Variants in LYRM4 observed in about 807,000 individuals in gnomAD.
LYRM4 encodes LYR motif containing 4.
In LYRM4, 9 loss-of-function variants were observed where a neutral mutation model predicts 11.7. The ratio of observed to expected loss-of-function variants is 0.77; its 90% CI spans 0.46 to 1.34. The LOEUF (loss-of-function observed/expected upper bound fraction) is 1.34. Among genes scored for constraint, LYRM4 ranks in the 40% most tolerant of loss-of-function variants. The pLI is 0.00. For missense variants in LYRM4, 133 were observed against 112.5 expected, an observed-to-expected ratio of 1.18 and a Z score of -0.82; for synonymous variants, 42 against 40.4, an observed-to-expected ratio of 1.04 and a Z score of -0.15.
At chr6:5,184,209 G>A (rs1228690697) in intron 2 of LYRM4, among the ~76,000 whole-genome samples, 2 of 151,988 alleles carry the variant, frequency 1.3e-5, no homozygotes, top group East Asian at 1.9e-4. Flanking sequence ...TAATGATCCC[G>A]AGATGTCCAC....
intron 2 of LYRM4, among the ~76,000 whole-genome samples, chr6:5,190,377 C>CATTTAGAAAA (rs1760682507): frequency 6.6e-6 from 1 of 152,014 alleles, no homozygotes. Context: ...GGAAAAAGCC[C>CATTTAGAAAA]ATTTAGAAAA....
intron 2 of LYRM4, among the ~76,000 whole-genome samples, chr6:5,143,338 T>C (rs1229837632): frequency 3.3e-5 from 5 of 152,192 alleles, no homozygotes; most frequent in African/African-American, 4.8e-5. Flanking sequence ...CTGGGGATGG[T>C]CTTCAGGCCC....
At chr6:5,195,765 T>G (rs906820079) in intron 2 of LYRM4, among the ~76,000 whole-genome samples, 3 of 152,148 alleles carry the variant, frequency 2.0e-5, no homozygotes, top group African/African-American at 4.8e-5. Context: ...CTCCTTCAGG[T>G]GCTCAACAGC....
Position 5,220,172 on chromosome 6 carries a change from A to G in LYRM4, c.87-3434T>C, listed in dbSNP as rs546093347. 4.6e-5 allele frequency among the ~76,000 whole-genome samples: 7 copies of G among 152,260 alleles called. No individual in the cohort carries two copies. In the South Asian group the frequency reaches 1.2e-3, roughly 27 times the overall value. On this transcript the variant is annotated intron_variant, in intron 1 of 2. Transcript: ENST00000330636. ...CTCTTTTCTGAGATTCTTCCACTCAAAACTCCAATTTCCCTGTTGCACAGC... is the reference window on the plus strand; with the variant it reads ...CTCTTTTCTGAGATTCTTCCACTCAGAACTCCAATTTCCCTGTTGCACAGC...
At chr6:5,127,560 A>T (rs1292659701) in intron 2 of LYRM4, among the ~76,000 whole-genome samples, 2 of 152,246 alleles carry the variant, frequency 1.3e-5, no homozygotes, top group Admixed American at 6.5e-5. Flanking sequence ...GCTGGTCCAA[A>T]CAGAGATGTT....
At chr6:5,104,836 C>T (rs1282050339), downstream of LYRM4, 1 of 152,250 alleles carries the variant, frequency 6.6e-6, no homozygotes, top group East Asian at 1.9e-4. Flanking sequence ...GGCCTGGTCT[C>T]CTCATCCAAT....
intron 1 of LYRM4, among the ~76,000 whole-genome samples, chr6:5,220,782 T>C (rs1401932412): frequency 2.0e-5 from 3 of 152,220 alleles, no homozygotes; most frequent in Non-Finnish European, 4.4e-5. Context: ...AGTCTTCATA[T>C]TCAAGTCTTA....
chr6:5,049,885 G>C, the LYRM4 span, among the ~76,000 whole-genome samples: 1 of 152,142 alleles, frequency 6.6e-6, no homozygotes, highest in Non-Finnish European at 1.5e-5. Context: ...GGCCAGGTTG[G>C]TCTTGAACTC....
At position 5,245,105 on chromosome 6, in the gene LYRM4, AAAAAAAAAATATATATATATATATAT is replaced by A. The variant is rs1465576503; in HGVS notation, c.86+15517_86+15542del. 3.3e-3 allele frequency among the ~76,000 whole-genome samples: 187 copies of A among 56,790 alleles called. 5 individuals are homozygous for A. The highest frequency in any genetic ancestry group is 8.9e-3 in the African/African-American group (131 of 14,686). 37.3% of individuals were successfully genotyped at this position (56,790 alleles called of 152,430 possible). Reference sequence around the variant, plus strand: ...GGAAGACCTTAAAAAAAAAAAAAAAAAAAAAAAAATATATATATATATATATATATATATATATATATATATATATA... The same window carrying A: ...GGAAGACCTTAAAAAAAAAAAAAAAAATATATATATATATATATATATATA... On this transcript the variant is annotated intron_variant, in intron 1 of 2. Coordinates refer to ENST00000330636, the MANE Select transcript of LYRM4 (RefSeq NM_020408.6).
chr6:5,140,824 A>C (rs749168785), intron 2 of LYRM4, among the ~76,000 whole-genome samples: 5 of 152,250 alleles, frequency 3.3e-5, no homozygotes, highest in Non-Finnish European at 5.9e-5. Flanking sequence ...ACTGAAACCA[A>C]AACGTAGACT....
intron 2 of LYRM4, chr6:5,113,297 C>T (rs1316186537): frequency 1.1e-5 from 5 of 448,440 alleles, no homozygotes; most frequent in East Asian, 7.3e-5. Flanking sequence ...TGGTGGCACG[C>T]GCCAATAATC....
chr6:5,132,098 G>A lies in LYRM4; in HGVS notation c.208-22607C>T, dbSNP rs181027227. Among the ~76,000 whole-genome samples, 145 of 152,194 alleles carry A rather than the reference G, an allele frequency of 9.5e-4. 2 individuals carry two copies. The highest frequency in any genetic ancestry group is 9.4e-3 in the Admixed American group (144 of 15,288). On this transcript the variant is annotated intron_variant, in intron 2 of 2. Coordinates refer to ENST00000330636, the MANE Select transcript of LYRM4 (RefSeq NM_020408.6). ...GGACAGGCCCACAGAAAAGAAAAAG[G>A]GCATTTTTGCATCTCATCTCTTAAC...
intron 1 of LYRM4, among the ~76,000 whole-genome samples, chr6:5,227,586 A>G (rs1762967045): frequency 6.6e-6 from 1 of 152,208 alleles, no homozygotes; most frequent in South Asian, 2.1e-4. Context: ...TGATTCCTCA[A>G]GGATCTAGAA....
intron 1 of LYRM4, among the ~76,000 whole-genome samples, chr6:5,255,800 A>G (rs1764637797): frequency 6.6e-6 from 1 of 152,088 alleles, no homozygotes; most frequent in Non-Finnish European, 1.5e-5. Context: ...CTGGCCTCAG[A>G]TGCCTAGCAC....
intron 2 of LYRM4, among the ~76,000 whole-genome samples, chr6:5,172,275 G>A (rs933370224): frequency 5.3e-5 from 8 of 152,182 alleles, no homozygotes; most frequent in African/African-American, 1.9e-4. Context: ...GCTGTAACAC[G>A]AGCTGCACAG....
chr6:5,045,637 G>T, the LYRM4 span, among the ~76,000 whole-genome samples: 1 of 152,312 alleles, frequency 6.6e-6, no homozygotes, highest in East Asian at 1.9e-4. Flanking sequence ...GATTTTCAGT[G>T]CCTCTTACTG....
At chr6:5,167,846 GA>G (rs1759178815) in intron 2 of LYRM4, among the ~76,000 whole-genome samples, 1 of 151,798 alleles carries the variant, frequency 6.6e-6, no homozygotes, top group Admixed American at 6.6e-5. Flanking sequence ...TTGCTAATTT[GA>G]AATACTCAGC....
chr6:5,040,316 AATAGATAGATAG>A, the LYRM4 span, among the ~76,000 whole-genome samples: 161 of 125,074 alleles, frequency 1.3e-3, no homozygotes, highest in African/African-American at 4.3e-3. Context: ...TATCTCTAAC[AATAGATAGATAG>A]ATAGATAGAT....
chr6:5,057,078 G>T, the LYRM4 span, among the ~76,000 whole-genome samples: 1 of 152,144 alleles, frequency 6.6e-6, no homozygotes, highest in Admixed American at 6.5e-5. Context: ...TACGGGTAGG[G>T]CTTTATCCAT....
Sources: allele counts gnomAD v4.1 joint callset (sites outside exome capture counted in the v4.1 genomes callset), GRCh38; gene constraint gnomAD v4.1.1; transcripts MANE v1.5; gene names NCBI Gene and HGNC (gene_info 2026-07-23, HGNC 2026-07-21).